Variants in RFX7 observed in about 807,000 individuals in gnomAD.
The protein encoded by RFX7 is regulatory factor X7.
Under a neutral mutation model 111.8 loss-of-function variants are expected in RFX7, and 26 were observed. The ratio of observed to expected loss-of-function variants is 0.23; its 90% CI spans 0.17 to 0.32. The LOEUF (loss-of-function observed/expected upper bound fraction) is 0.32, where lower values mean the gene tolerates loss of function less well. RFX7 is among the 10% of genes least tolerant of loss of function. The probability of loss-of-function intolerance (pLI) is 1.00; values close to 1 mark genes in which losing one functional copy is unlikely to be tolerated. For synonymous variants in RFX7, 624 were observed against 624.4 expected, an observed-to-expected ratio of 1.00 and a Z score of 0.01; for missense variants, 1,573 against 1,772.9, an observed-to-expected ratio of 0.89 and a Z score of 2.02.
intron 2 of RFX7, among the ~76,000 whole-genome samples, chr15:56,202,350 C>G (rs1306798741): frequency 3.3e-5 from 5 of 152,046 alleles, no homozygotes; most frequent in Admixed American, 6.6e-5. Context: ...TACTTAAGAT[C>G]TTTTTCATAC....
chr15:56,194,999 A>T (rs2141170029), intron 2 of RFX7, among the ~76,000 whole-genome samples: 1 of 152,328 alleles, frequency 6.6e-6, no homozygotes, highest in East Asian at 1.9e-4. Flanking sequence ...AAATGGAGGA[A>T]ACAACCCAAA....
intron 5 of RFX7, among the ~76,000 whole-genome samples, chr15:56,134,112 T>C (rs1000936197): frequency 6.6e-6 from 1 of 152,184 alleles, no homozygotes; most frequent in Non-Finnish European, 1.5e-5. Context: ...TTTAACACGC[T>C]TACCTTCTTA....
chr15:56,240,641 A>T (rs766763752), intron 2 of RFX7, among the ~76,000 whole-genome samples: 3 of 152,162 alleles, frequency 2.0e-5, no homozygotes, highest in Non-Finnish European at 4.4e-5. Flanking sequence ...AAACTATGAT[A>T]AACCAAATGC....
chr15:56,194,600 T>A (rs1296294302), intron 2 of RFX7, among the ~76,000 whole-genome samples: 4 of 152,070 alleles, frequency 2.6e-5, no homozygotes, highest in Non-Finnish European at 5.9e-5. Flanking sequence ...TTTTGTTTGC[T>A]CATATGCTAT....
intron 3 of RFX7, among the ~76,000 whole-genome samples, chr15:56,165,251 C>T (rs1215083026): frequency 6.6e-6 from 1 of 152,112 alleles, no homozygotes; most frequent in Non-Finnish European, 1.5e-5. Context: ...ACCTGGGGAA[C>T]CCCTGTTTTA....
chr15:56,160,926 A>C (rs1281426855), intron 3 of RFX7, among the ~76,000 whole-genome samples: 2 of 152,036 alleles, frequency 1.3e-5, no homozygotes, highest in Non-Finnish European at 1.5e-5. Flanking sequence ...TACTATAAAC[A>C]ATGTAAGAGG....
intron 5 of RFX7, among the ~76,000 whole-genome samples, chr15:56,119,736 C>T (rs2042051645): frequency 6.9e-6 from 1 of 145,716 alleles, no homozygotes; most frequent in Non-Finnish European, 1.5e-5. Context: ...GAGATCGCGC[C>T]ATTGGACTCC....
intron 2 of RFX7, among the ~76,000 whole-genome samples, chr15:56,220,923 T>C (rs965246159): frequency 6.6e-5 from 10 of 152,360 alleles, no homozygotes; most frequent in Admixed American, 6.5e-4. Flanking sequence ...TAGCAACATT[T>C]ATTGAATAGG....
intron 3 of RFX7, among the ~76,000 whole-genome samples, chr15:56,168,217 G>C (rs1289407378): frequency 1.3e-5 from 2 of 152,078 alleles, no homozygotes; most frequent in Non-Finnish European, 2.9e-5. Context: ...CAAATTATGA[G>C]GACTGAATGA....
At chr15:56,141,109 C>T (rs1470676151) in intron 5 of RFX7, among the ~76,000 whole-genome samples, 1 of 152,186 alleles carries the variant, frequency 6.6e-6, no homozygotes, top group African/African-American at 2.4e-5. Flanking sequence ...ACATTCCCTA[C>T]TTGAGACAAC....
At position 56,098,223 on chromosome 15, in the gene RFX7, G is replaced by A; in HGVS notation, c.965C>T (p.Ser322Phe). 1 of 1,613,972 alleles carries A rather than the reference G, an allele frequency of 6.2e-7. No individual in the cohort carries two copies. Among genetic ancestry groups the A allele is most frequent in the Non-Finnish European group, 8.5e-7 (1 of 1,179,860 alleles). ...QKKQQEQKLQ[S>F]PLPGESAAKK... ...TGCTGCAGATTCTCCTGGCAAAGGGGATTGTAGTTTCTGTTCTTGCTGCTT... is the reference window on the plus strand; with the variant it reads ...TGCTGCAGATTCTCCTGGCAAAGGGAATTGTAGTTTCTGTTCTTGCTGCTT... The change falls in exon 9 of 10, where the codon TCC (serine) becomes TTC (phenylalanine). Residue 322 changes from serine (S) to phenylalanine (F), a missense_variant. By Grantham distance (155) the Ser-to-Phe change is radical (BLOSUM62 -2). Around this residue, in one of 7 missense-constraint regions of RFX7, gnomAD observed 288 missense variants for 337.9 expected, o/e 0.85. Coordinates refer to ENST00000559447, the MANE Select transcript of RFX7 (RefSeq NM_022841.7).
In RFX7 at chr15:56,089,714, G is replaced by C. The variant is rs1469324334; in HGVS notation, c.*3631C>G. 1.2e-3 allele frequency: 11 copies of C among 9,018 alleles called. No homozygotes were observed. Among genetic ancestry groups the C allele is most frequent in the Admixed American group, 3.4e-3 (1 of 294 alleles). 0.6% of individuals were successfully genotyped at this position (9,018 alleles called of 1,614,324 possible). On this transcript the variant is annotated 3_prime_UTR_variant, in exon 10 of 10. Coordinates refer to ENST00000559447, the MANE Select transcript of RFX7 (RefSeq NM_022841.7). ...CTTGAGTGACTGATTGCCTTTCTTGGGATTAGTTTTTCTTCAAGTACTTTT... is the reference window on the plus strand; with the variant it reads ...CTTGAGTGACTGATTGCCTTTCTTGCGATTAGTTTTTCTTCAAGTACTTTT...
intron 5 of RFX7, among the ~76,000 whole-genome samples, chr15:56,105,425 A>AC (rs1432474463): frequency 6.6e-6 from 1 of 152,198 alleles, no homozygotes; most frequent in Non-Finnish European, 1.5e-5. Context: ...TCATAGTAAG[A>AC]CCATCTGTAT....
intron 5 of RFX7, among the ~76,000 whole-genome samples, chr15:56,106,974 G>GA (rs2041837801): frequency 6.6e-6 from 1 of 152,060 alleles, no homozygotes; most frequent in Admixed American, 6.6e-5. Flanking sequence ...GAGGAACGGA[G>GA]AATGTTCTGT....
chr15:56,215,715 A>G (rs1431293163), intron 2 of RFX7, among the ~76,000 whole-genome samples: 1 of 152,226 alleles, frequency 6.6e-6, no homozygotes, highest in Non-Finnish European at 1.5e-5. Context: ...GTAGGAATGT[A>G]TATTTGCTAT....
chr15:56,202,804 C>G (rs2043206453), intron 2 of RFX7, among the ~76,000 whole-genome samples: 1 of 152,068 alleles, frequency 6.6e-6, no homozygotes, highest in African/African-American at 2.4e-5. Flanking sequence ...AGGGCAAGAC[C>G]TTGTCTCTAA....
At chr15:56,107,376 T>A (rs2041846372) in intron 5 of RFX7, among the ~76,000 whole-genome samples, 1 of 151,326 alleles carries the variant, frequency 6.6e-6, no homozygotes, top group South Asian at 2.1e-4. Context: ...AGTACATTTT[T>A]AAGCCTGAAA....
At chr15:56,195,953 A>G (rs919524076) in intron 2 of RFX7, among the ~76,000 whole-genome samples, 2 of 152,184 alleles carry the variant, frequency 1.3e-5, no homozygotes, top group African/African-American at 2.4e-5. Flanking sequence ...ATAGGATGCT[A>G]TAAAGATTTA....
At chr15:56,167,929 A>G (rs2042802216) in intron 3 of RFX7, among the ~76,000 whole-genome samples, 1 of 152,216 alleles carries the variant, frequency 6.6e-6, no homozygotes, top group Non-Finnish European at 1.5e-5. Context: ...ACCAAAATTC[A>G]GTAAGATGAG....
Sources: gnomAD v4.1 joint callset for allele counts (sites outside exome capture counted in the v4.1 genomes callset) on GRCh38, gnomAD v4.1.1 for gene constraint, gnomAD v4.1.1 regional missense constraint, MANE v1.5 for transcripts, NCBI Gene and HGNC (gene_info 2026-07-23, HGNC 2026-07-21) for gene names.